Variants in FRMD4A observed in about 807,000 individuals in gnomAD.
FRMD4A encodes the protein FERM domain-containing protein 4A.
In FRMD4A, 29 loss-of-function variants were observed where a neutral mutation model predicts 129.1. That is an observed-to-expected ratio of 0.22 (90% CI 0.17 to 0.31). FRMD4A has a LOEUF of 0.31. FRMD4A is among the 10% of genes least tolerant of loss of function. The pLI, the probability that FRMD4A is intolerant of heterozygous loss-of-function variation, is 1.00. For synonymous variants in FRMD4A, 634 were observed against 571.6 expected (o/e 1.11, Z -1.56); for missense variants, 1,272 against 1,375.8 (o/e 0.92, Z 1.19).
At chr10:13,993,042 C>G (rs10906562) in intron 2 of FRMD4A, among the ~76,000 whole-genome samples, 43,454 of 150,600 alleles carry the variant, frequency 0.29, 7,385 homozygotes, top group East Asian at 0.73. Context: ...GCTTCTCTTG[C>G]GTGTCCTATG....
At chr10:14,277,574 C>G (rs761064967) in intron 2 of FRMD4A, among the ~76,000 whole-genome samples, 1 of 152,196 alleles carries the variant, frequency 6.6e-6, no homozygotes, top group African/African-American at 2.4e-5. Context: ...TGTTAAACCA[C>G]CCAGTTTATG....
chr10:14,237,480 A>G (rs1843868326), intron 2 of FRMD4A, among the ~76,000 whole-genome samples: 1 of 152,032 alleles, frequency 6.6e-6, no homozygotes, highest in African/African-American at 2.4e-5. Context: ...ACAGGCCCAC[A>G]CCACAATGTC....
Position 14,295,328 on chromosome 10 carries a change from C to A in FRMD4A, c.45+34730G>T, listed in dbSNP as rs540358561. 8.5e-5 allele frequency among the ~76,000 whole-genome samples: 13 copies of A among 152,290 alleles called. 1 individual carries two copies. Among genetic ancestry groups the A allele is most frequent in the Admixed American group, 5.9e-4 (9 of 15,296 alleles). ...TAACTTCCACTAAAGACCCAATTCACTTTTATTTGATTTTTTTAAAAAGTG... is the reference window on the plus strand; with the variant it reads ...TAACTTCCACTAAAGACCCAATTCAATTTTATTTGATTTTTTTAAAAAGTG... On this transcript the variant is annotated intron_variant, in intron 2 of 24. Coordinates refer to ENST00000357447, the MANE Select transcript of FRMD4A (RefSeq NM_018027.5).
Position 13,780,339 on chromosome 10 carries a change from A to AG in FRMD4A, c.384+2582_384+2583insC, listed in dbSNP as rs1485369894. 3.5e-3 allele frequency among the ~76,000 whole-genome samples: 533 copies of AG among 151,832 alleles called. 2 individuals carry two copies. Among genetic ancestry groups the AG allele is most frequent in the African/African-American group, 0.011 (467 of 41,440 alleles). ...GAGACTGTGTCTCAAAAAAAAAAAA[A>AG]ATGTTCTTTTAGTCGCAGTTCCTAA... On this transcript the variant is annotated intron_variant, in intron 6 of 24. Coordinates refer to ENST00000357447, the MANE Select transcript of FRMD4A (RefSeq NM_018027.5).
intron 2 of FRMD4A, among the ~76,000 whole-genome samples, chr10:13,955,125 T>TTTTTTTTTTTAG (rs2095402289): frequency 6.8e-6 from 1 of 147,696 alleles, no homozygotes; most frequent in Non-Finnish European, 1.5e-5. Flanking sequence ...TTTTTTTTTT[T>TTTTTTTTTTTAG]GAGACGGAGT....
chr10:13,924,981 T>C (rs946977563), intron 2 of FRMD4A, among the ~76,000 whole-genome samples: 1 of 147,466 alleles, frequency 6.8e-6, no homozygotes, highest in Non-Finnish European at 1.5e-5. Flanking sequence ...GGAGAATCAC[T>C]TGAACCTGGG....
chr10:13,656,848 G>C lies in FRMD4A; in HGVS notation c.2741C>G (p.Ala914Gly). Residue 914 changes from alanine (A) to glycine (G), a missense_variant, in exon 22 of 25, where the codon GCC becomes GGC. Transcript: ENST00000357447. ...GGCACGGCCCGCGCCCTTGTCGTGG[G>C]CGCCCTCGCGGCCCAGCGACGGAGT... The part of the protein sequence containing the change: ...LRTPSLGREG[A>G]HDKGAGRAAV... 1 of 1,505,124 alleles carries C rather than the reference G, an allele frequency of 6.6e-7. No homozygotes were observed. The highest frequency in any genetic ancestry group is 8.8e-7 in the Non-Finnish European group (1 of 1,130,328). The allele number at this position is 1,505,124 out of a possible 1,614,324, so 93.2% of individuals were successfully genotyped here.
chr10:14,129,407 T>A lies in FRMD4A; in HGVS notation c.45+200651A>T, dbSNP rs865869712. Among the ~76,000 whole-genome samples the A allele has an allele frequency of 8.6e-3, 967 of 112,368 alleles. 21 individuals carry two copies. The highest frequency in any genetic ancestry group is 0.011 in the Non-Finnish European group (652 of 57,564). 73.7% of individuals were successfully genotyped at this position (112,368 alleles called of 152,430 possible). A position where few individuals can be genotyped will look rare whatever the true frequency, so the allele number is the denominator to read the frequency against. On this transcript the variant is annotated intron_variant, in intron 2 of 24. Coordinates refer to ENST00000357447, the MANE Select transcript of FRMD4A (RefSeq NM_018027.5). ...ATATATATATATATATATATATATATAAAAAATATGAGCTGTAGAACATAC... is the reference window on the plus strand; with the variant it reads ...ATATATATATATATATATATATATAAAAAAAATATGAGCTGTAGAACATAC...
intron 12 of FRMD4A, among the ~76,000 whole-genome samples, chr10:13,736,849 GAT>G (rs1349015998): frequency 1.3e-5 from 2 of 152,192 alleles, no homozygotes; most frequent in African/African-American, 2.4e-5. Flanking sequence ...TCGCCTCTAA[GAT>G]ATGTTTCCAT....
At chr10:13,826,828 C>T (rs1222324014) in intron 3 of FRMD4A, among the ~76,000 whole-genome samples, 1 of 152,134 alleles carries the variant, frequency 6.6e-6, no homozygotes, top group African/African-American at 2.4e-5. Flanking sequence ...ATATTTATTC[C>T]TAAACAGCAT....
At chr10:13,738,636 T>TG (rs1352695923) in intron 11 of FRMD4A, among the ~76,000 whole-genome samples, 1 of 151,986 alleles carries the variant, frequency 6.6e-6, no homozygotes, top group Middle Eastern at 3.2e-3. Flanking sequence ...TTCCTTTTTT[T>TG]TTGAGATGGA....
intron 6 of FRMD4A, among the ~76,000 whole-genome samples, chr10:13,778,623 T>TGTG (rs1240640403): frequency 0.036 from 4,950 of 138,494 alleles, 102 homozygotes; most frequent in Middle Eastern, 0.044. Context: ...GTGTGTGTGT[T>TGTG]TGTGTGTGTG....
intron 2 of FRMD4A, among the ~76,000 whole-genome samples, chr10:14,018,234 C>A (rs1443696937): frequency 6.7e-6 from 1 of 149,632 alleles, no homozygotes; most frequent in Non-Finnish European, 1.5e-5. Context: ...ATCAGAAGGT[C>A]AGAAGATCAT....
intron 2 of FRMD4A, among the ~76,000 whole-genome samples, chr10:14,273,693 G>A (rs1589252664): frequency 6.6e-6 from 1 of 152,052 alleles, no homozygotes. Flanking sequence ...CCTATGGCTC[G>A]AGGTTCTAGG....
At chr10:14,247,296 G>A (rs1387261183) in intron 2 of FRMD4A, among the ~76,000 whole-genome samples, 1 of 152,092 alleles carries the variant, frequency 6.6e-6, no homozygotes, top group Non-Finnish European at 1.5e-5. Context: ...CAGCCCAGAT[G>A]GTCCTCACTG....
chr10:13,786,000 T>G (rs1436541909), intron 5 of FRMD4A, among the ~76,000 whole-genome samples: 3 of 152,248 alleles, frequency 2.0e-5, no homozygotes, highest in African/African-American at 7.2e-5. Flanking sequence ...ATGTGCCACA[T>G]TTTCTTAATC....
At chr10:14,163,494 T>G (rs1489184879) in intron 2 of FRMD4A, among the ~76,000 whole-genome samples, 1 of 152,262 alleles carries the variant, frequency 6.6e-6, no homozygotes, top group Non-Finnish European at 1.5e-5. Flanking sequence ...TGTTCCCATT[T>G]GTTTTCAGGA....
Position 13,743,167 on chromosome 10 carries a change from A to G in FRMD4A, c.549-2590T>C, listed in dbSNP as rs116157057. On this transcript the variant is annotated intron_variant, in intron 9 of 24. Coordinates refer to ENST00000357447, the MANE Select transcript of FRMD4A (RefSeq NM_018027.5). ...CCTCTATTCAGAAAGGGGCAGACCC[A>G]GCCATCTCTCTCCTTGGCTCCCACA... Among the ~76,000 whole-genome samples the G allele has an allele frequency of 8.1e-3, 1,237 of 152,308 alleles. 16 individuals are homozygous for G. The highest frequency in any genetic ancestry group is 0.028 in the African/African-American group (1,174 of 41,554).
chr10:14,272,085 G>A (rs1845180542), intron 2 of FRMD4A, among the ~76,000 whole-genome samples: 1 of 152,146 alleles, frequency 6.6e-6, no homozygotes, highest in African/African-American at 2.4e-5. Flanking sequence ...CCATACAGCA[G>A]CATGAACAAA....
Sources: gnomAD v4.1 joint callset for allele counts (sites outside exome capture counted in the v4.1 genomes callset) on GRCh38, gnomAD v4.1.1 for gene constraint, MANE v1.5 for transcripts, NCBI Gene and HGNC (gene_info 2026-07-23, HGNC 2026-07-21) for gene names.